The following HYCC1 variants were observed in gnomAD, a reference collection of about 807,000 sequenced individuals.
HYCC1 encodes hyccin.
At chr7:22,988,703 C>T in the HYCC1 span, among the ~76,000 whole-genome samples, 5 of 152,308 alleles carry the variant, frequency 3.3e-5, no homozygotes, top group South Asian at 2.1e-4. Flanking sequence ...CCTTAGAGTT[C>T]TTTCTTGGCT....
chr7:22,920,317 G>C, the HYCC1 span, among the ~76,000 whole-genome samples: 49 of 152,272 alleles, frequency 3.2e-4, no homozygotes, highest in Non-Finnish European at 4.9e-4. Context: ...CTGAGTGACA[G>C]AGTGAGACCT....
At chr7:23,006,691 C>T in the HYCC1 span, among the ~76,000 whole-genome samples, 3 of 152,184 alleles carry the variant, frequency 2.0e-5, no homozygotes. Flanking sequence ...AGTTTAATAA[C>T]TCATATATTA....
At chr7:23,001,365 C>T in the HYCC1 span, among the ~76,000 whole-genome samples, 3 of 152,118 alleles carry the variant, frequency 2.0e-5, no homozygotes, top group Non-Finnish European at 4.4e-5. Context: ...AGCCCAATTC[C>T]AAAGACCCCA....
chr7:22,999,342 G>A, the HYCC1 span, among the ~76,000 whole-genome samples: 1 of 152,162 alleles, frequency 6.6e-6, no homozygotes, highest in African/African-American at 2.4e-5. Context: ...CATACTAAGT[G>A]ATTCAAGTAT....
chr7:22,996,571 G>C, the HYCC1 span, among the ~76,000 whole-genome samples: 4 of 114,752 alleles, frequency 3.5e-5, no homozygotes, highest in Non-Finnish European at 6.7e-5. Context: ...GCTTTTCTTT[G>C]TCCTTACCAC....
At chr7:22,908,942 A>C in the HYCC1 span, among the ~76,000 whole-genome samples, 1 of 151,836 alleles carries the variant, frequency 6.6e-6, no homozygotes, top group South Asian at 2.1e-4. Flanking sequence ...CCCAATAAAA[A>C]CTCTGTGCAT....
the HYCC1 span, chr7:22,978,136 T>C: frequency 2.5e-6 from 2 of 794,212 alleles, no homozygotes; most frequent in Non-Finnish European, 4.2e-6. Context: ...AAAGTTATAT[T>C]TGGAAGAATG....
the HYCC1 span, among the ~76,000 whole-genome samples, chr7:22,999,334 T>C: frequency 5.9e-5 from 9 of 152,318 alleles, no homozygotes; most frequent in East Asian, 1.7e-3. Context: ...TTACAGCACA[T>C]ACTAAGTGAT....
At chr7:22,960,243 A>C in the HYCC1 span, 1 of 1,611,558 alleles carries the variant, frequency 6.2e-7, no homozygotes, top group Middle Eastern at 1.7e-4. Flanking sequence ...TTGAAGAGTT[A>C]CGTATTTCTT....
At chr7:22,908,285 A>T in the HYCC1 span, among the ~76,000 whole-genome samples, 3 of 152,288 alleles carry the variant, frequency 2.0e-5, no homozygotes, top group East Asian at 5.8e-4. Flanking sequence ...GAGCCCTGGT[A>T]CCCATAGATT....
the HYCC1 span, among the ~76,000 whole-genome samples, chr7:22,926,444 C>A: frequency 6.6e-6 from 1 of 152,098 alleles, no homozygotes; most frequent in African/African-American, 2.4e-5. Flanking sequence ...ACTCATCTCA[C>A]GTGCAGAGAC....
the HYCC1 span, among the ~76,000 whole-genome samples, chr7:22,989,283 GAAA>G: frequency 1.2e-4 from 12 of 100,612 alleles, no homozygotes; most frequent in African/African-American, 4.7e-4. Flanking sequence ...ACACAAGCAG[GAAA>G]CACACACACA....
chr7:22,902,369 A>G, the HYCC1 span, among the ~76,000 whole-genome samples: 1 of 151,892 alleles, frequency 6.6e-6, no homozygotes, highest in Non-Finnish European at 1.5e-5. Flanking sequence ...GCTAAAAAAA[A>G]ACCCAAAGTA....
At chr7:22,935,139 T>C in the HYCC1 span, 2 of 152,260 alleles carry the variant, frequency 1.3e-5, no homozygotes, top group African/African-American at 4.8e-5. Context: ...AGTTCTTCAA[T>C]GGCTTCAAAC....
chr7:22,902,296 T>C, the HYCC1 span, among the ~76,000 whole-genome samples: 10 of 152,114 alleles, frequency 6.6e-5, no homozygotes, highest in Admixed American at 2.6e-4. Context: ...GAGAAATGTA[T>C]AGTTTTAAAT....
the HYCC1 span, among the ~76,000 whole-genome samples, chr7:22,971,567 T>TCAG: frequency 6.7e-6 from 1 of 150,268 alleles, no homozygotes; most frequent in Non-Finnish European, 1.5e-5. Context: ...TCACAGCTAC[T>TCAG]CAGGACGCTG....
At chr7:22,941,237 G>A in the HYCC1 span, 2 of 152,014 alleles carry the variant, frequency 1.3e-5, no homozygotes, top group African/African-American at 4.8e-5. Context: ...TTTTTTAAAT[G>A]AGTAAACTGA....
the HYCC1 span, among the ~76,000 whole-genome samples, chr7:22,975,827 C>T: frequency 6.6e-6 from 1 of 152,134 alleles, no homozygotes; most frequent in Non-Finnish European, 1.5e-5. Flanking sequence ...AGTGATCCTC[C>T]CACCTCAGCC....
chr7:23,012,993 A>G, the HYCC1 span, among the ~76,000 whole-genome samples: 14,453 of 152,206 alleles, frequency 0.095, 812 homozygotes, highest in Middle Eastern at 0.12. Context: ...CCCTACCTGA[A>G]GAGCGCCGCG....
Sources: gnomAD v4.1 joint callset for allele counts (sites outside exome capture counted in the v4.1 genomes callset) on GRCh38, gnomAD v4.1.1 for gene constraint, MANE v1.5 for transcripts, NCBI Gene and HGNC (gene_info 2026-07-23, HGNC 2026-07-21) for gene names.